WDPCP: variants seen among roughly 807,000 people sequenced by gnomAD.
WDPCP encodes WD repeat-containing and planar cell polarity effector protein fritz homolog.
A neutral mutation model predicts 93.1 loss-of-function variants in WDPCP; 71 were observed. The ratio of observed to expected loss-of-function variants is 0.76; its 90% CI spans 0.63 to 0.93. The LOEUF is 0.93. WDPCP is among the 40% of genes least tolerant of loss of function. WDPCP has a pLI of 0.00. For missense variants in WDPCP, 844 were observed against 887.4 expected (o/e 0.95, Z 0.62); for synonymous variants, 315 against 315.0 (o/e 1.00, Z 0.00).
intron 2 of WDPCP, among the ~76,000 whole-genome samples, chr2:63,809,736 C>T (rs1670833531): frequency 6.6e-6 from 1 of 151,830 alleles, no homozygotes; most frequent in African/African-American, 2.4e-5. Context: ...GAGTCATCAC[C>T]ACTCCCTAAT....
At chr2:63,381,560 C>T (rs552071890) in intron 11 of WDPCP, among the ~76,000 whole-genome samples, 6 of 152,156 alleles carry the variant, frequency 3.9e-5, no homozygotes, top group Non-Finnish European at 8.8e-5. Context: ...TTGTTTGGTG[C>T]CCTTTGTCTA....
chr2:63,263,809 A>C (rs1681858123), intron 13 of WDPCP, among the ~76,000 whole-genome samples: 1 of 152,234 alleles, frequency 6.6e-6, no homozygotes, highest in Non-Finnish European at 1.5e-5. Context: ...TTAAGTCTAA[A>C]TATACTGAAG....
intron 1 of WDPCP, among the ~76,000 whole-genome samples, chr2:63,823,474 G>C (rs1575782783): frequency 6.6e-6 from 1 of 152,158 alleles, no homozygotes; most frequent in Non-Finnish European, 1.5e-5. Flanking sequence ...CTGCACTCCA[G>C]CCTGGGTGAC....
intron 14 of WDPCP, among the ~76,000 whole-genome samples, chr2:63,251,194 G>C (rs1322659284): frequency 6.6e-5 from 10 of 152,090 alleles, no homozygotes; most frequent in African/African-American, 9.7e-5. Context: ...TTTATACTTT[G>C]AAAGGATAAA....
At chr2:63,344,677 T>C (rs1689071894) in intron 12 of WDPCP, among the ~76,000 whole-genome samples, 1 of 152,208 alleles carries the variant, frequency 6.6e-6, no homozygotes, top group African/African-American at 2.4e-5. Flanking sequence ...CTCAGACATA[T>C]AGGTATTACA....
intron 12 of WDPCP, among the ~76,000 whole-genome samples, chr2:63,315,277 C>T (rs1166776809): frequency 3.3e-5 from 5 of 152,226 alleles, no homozygotes; most frequent in African/African-American, 7.2e-5. Context: ...GAACAAAACT[C>T]AAGTTAAAGG....
At chr2:63,486,271 T>C (rs1357203491) in intron 4 of WDPCP, among the ~76,000 whole-genome samples, 1 of 151,908 alleles carries the variant, frequency 6.6e-6, no homozygotes, top group African/African-American at 2.4e-5. Flanking sequence ...TTAAGCTTGG[T>C]ATAATTATCC....
At chr2:63,468,668 A>G (rs1347605761) in intron 6 of WDPCP, among the ~76,000 whole-genome samples, 3 of 152,104 alleles carry the variant, frequency 2.0e-5, no homozygotes, top group Non-Finnish European at 4.4e-5. Flanking sequence ...CATCTCCATG[A>G]TGTCATCAGA....
intron 1 of WDPCP, among the ~76,000 whole-genome samples, chr2:63,564,778 CTTT>C (rs10713306): frequency 1.1e-4 from 14 of 122,248 alleles, no homozygotes; most frequent in Admixed American, 3.3e-4. Flanking sequence ...AAAACTGCAC[CTTT>C]TTTTTTTTTT....
At chr2:63,383,722 A>G (rs545875041) in intron 10 of WDPCP, among the ~76,000 whole-genome samples, 1 of 152,136 alleles carries the variant, frequency 6.6e-6, no homozygotes, top group Non-Finnish European at 1.5e-5. Context: ...CAATCAATCA[A>G]TCAATCAATA....
chr2:63,806,265 G>A (rs772144627), intron 2 of WDPCP, among the ~76,000 whole-genome samples: 12 of 152,238 alleles, frequency 7.9e-5, no homozygotes, highest in African/African-American at 9.6e-5. Flanking sequence ...AAAGCCAGGC[G>A]TCCGGGGGGG....
Position 63,313,268 on chromosome 2 carries a change from C to T in WDPCP, c.1792G>A (p.Gly598Ser). The T allele has an allele frequency of 6.2e-7, 1 of 1,613,666 alleles. No homozygotes were observed. The highest frequency in any genetic ancestry group is 8.5e-7 in the Non-Finnish European group (1 of 1,179,756). ...EKAFLLAVDV[G>S]ARDLFMDIHY... ...CTCACCATAAAGAGGTCACGAGCAC[C>T]AACGTCAACAGCTAGGAGAAATGCC... Residue 598 changes from glycine (G) to serine (S), a missense_variant, in exon 13 of 18, where the codon GGT (glycine) becomes AGT (serine). Transcript: ENST00000272321.
chr2:63,840,115 A>G, the WDPCP span, among the ~76,000 whole-genome samples: 2 of 152,238 alleles, frequency 1.3e-5, no homozygotes, highest in Admixed American at 6.5e-5. Context: ...AAGGCACTTA[A>G]GAGAAGGCGC....
intron 12 of WDPCP, among the ~76,000 whole-genome samples, chr2:63,367,374 A>G (rs1691000696): frequency 6.6e-6 from 1 of 152,138 alleles, no homozygotes; most frequent in African/African-American, 2.4e-5. Flanking sequence ...ATATATGACA[A>G]TACATATCAA....
chr2:63,215,992 C>A (rs1677300767), intron 14 of WDPCP, among the ~76,000 whole-genome samples: 1 of 152,190 alleles, frequency 6.6e-6, no homozygotes, highest in Non-Finnish European at 1.5e-5. Flanking sequence ...AAATGCAAAT[C>A]AAAACCACAA....
At chr2:63,573,660 TGGGC>T (rs1707707949) in intron 1 of WDPCP, among the ~76,000 whole-genome samples, 2 of 152,150 alleles carry the variant, frequency 1.3e-5, no homozygotes, top group African/African-American at 4.8e-5. Flanking sequence ...ATATGAAATC[TGGGC>T]ACCTTGAAAA....
chr2:63,136,896 T>C (rs1227073210), intron 17 of WDPCP, among the ~76,000 whole-genome samples: 1 of 152,208 alleles, frequency 6.6e-6, no homozygotes, highest in Non-Finnish European at 1.5e-5. Context: ...GATCTTGTTC[T>C]TTTTCATGGC....
chr2:63,705,393 G>T lies in WDPCP; in HGVS notation n.309-54555C>A, dbSNP rs183666735. On this transcript the variant is annotated intron_variant and non_coding_transcript_variant, in intron 2 of 4. Coordinates refer to the WDPCP transcript ENST00000467687. The stretch of plus-strand genomic sequence containing the variant: ...CTAGTTCTTCTAATTGTGATGTAGG[G>T]TGTCAATTTTAGATCTTTCCTGCTT... Among the ~76,000 whole-genome samples the T allele has an allele frequency of 2.7e-3, 407 of 152,166 alleles. 2 individuals are homozygous for T. Among genetic ancestry groups the T allele is most frequent in the Middle Eastern group, 0.01 (3 of 294 alleles).
At chr2:63,408,509 G>A (rs373783686) in intron 9 of WDPCP, among the ~76,000 whole-genome samples, 5 of 152,252 alleles carry the variant, frequency 3.3e-5, no homozygotes, top group Middle Eastern at 3.4e-3. Context: ...GAAGGAAGAC[G>A]GGTAAAACTC....
Sources: allele counts gnomAD v4.1 joint callset (sites outside exome capture counted in the v4.1 genomes callset), GRCh38; gene constraint gnomAD v4.1.1; transcripts MANE v1.5; gene names NCBI Gene and HGNC (gene_info 2026-07-23, HGNC 2026-07-21).